UNC5C: variants seen among roughly 807,000 people sequenced by gnomAD.
UNC5C encodes unc-5 netrin receptor C.
UNC5C carries 47 observed loss-of-function variants against 99.8 expected under a neutral mutation model. That is an observed-to-expected ratio of 0.47 (90% CI 0.37 to 0.60). The LOEUF (loss-of-function observed/expected upper bound fraction) is 0.60, where lower values mean the gene tolerates loss of function less well. UNC5C is among the 20% of genes least tolerant of loss of function. The pLI, the probability that UNC5C is intolerant of heterozygous loss-of-function variation, is 0.00. For missense variants in UNC5C, 1,062 were observed against 1,165.9 expected (o/e 0.91, Z 1.30); for synonymous variants, 487 against 452.2 (o/e 1.08, Z -0.98).
At chr4:95,280,146 G>T (rs1443368736) in intron 3 of UNC5C, among the ~76,000 whole-genome samples, 1 of 152,028 alleles carries the variant, frequency 6.6e-6, no homozygotes, top group African/African-American at 2.4e-5. Context: ...TGCTCGCAAG[G>T]TATATCCCTA....
At chr4:95,228,525 A>T (rs1738778851) in intron 7 of UNC5C, among the ~76,000 whole-genome samples, 1 of 152,188 alleles carries the variant, frequency 6.6e-6, no homozygotes, top group South Asian at 2.1e-4. Context: ...GGAACTCCCT[A>T]ATTTAACCCT....
chr4:95,357,816 C>T (rs75574323), intron 1 of UNC5C, among the ~76,000 whole-genome samples: 5,035 of 151,970 alleles, frequency 0.033, 120 homozygotes, highest in South Asian at 0.053. Flanking sequence ...ACAAAAATGA[C>T]AACCACAAAA....
At chr4:95,269,273 C>T (rs935266411) in intron 4 of UNC5C, among the ~76,000 whole-genome samples, 2 of 152,036 alleles carry the variant, frequency 1.3e-5, no homozygotes, top group African/African-American at 4.8e-5. Context: ...AGAACCAGTA[C>T]TGCAGAGTGG....
chr4:95,293,844 T>C (rs970151316), intron 3 of UNC5C, among the ~76,000 whole-genome samples: 1 of 152,124 alleles, frequency 6.6e-6, no homozygotes, highest in Non-Finnish European at 1.5e-5. Flanking sequence ...ATAATAACAC[T>C]CATCACATAG....
At chr4:95,381,573 A>G (rs114472349) in intron 1 of UNC5C, among the ~76,000 whole-genome samples, 338 of 152,316 alleles carry the variant, frequency 2.2e-3, no homozygotes, top group South Asian at 4.1e-3. Flanking sequence ...GTGGTATTAA[A>G]TTTAACAAAA....
intron 2 of UNC5C, among the ~76,000 whole-genome samples, chr4:95,317,616 T>C (rs916554512): frequency 3.9e-5 from 6 of 152,110 alleles, no homozygotes; most frequent in African/African-American, 1.4e-4. Flanking sequence ...AAGGATGCTG[T>C]GAGCAGGAGG....
Position 95,335,727 on chromosome 4 carries a change from T to A in UNC5C, c.125-96A>T, listed in dbSNP as rs914208197. ...TAAAAATAGTGACTTATAAATGCAG[T>A]AATTAAGTGATTTGAATGCCTGCTG... On this transcript the variant is annotated intron_variant, in intron 1 of 15. Transcript: ENST00000453304. The A allele has an allele frequency of 9.8e-5, 96 of 975,646 alleles. 1 individual carries two copies. In the African/African-American group the frequency reaches 1.5e-3, roughly 15 times the overall value. 60.4% of individuals were successfully genotyped at this position (975,646 alleles called of 1,614,324 possible). A position where few individuals can be genotyped will look rare whatever the true frequency, so the allele number is the denominator to read the frequency against.
intron 1 of UNC5C, among the ~76,000 whole-genome samples, chr4:95,473,705 C>T (rs1258364826): frequency 6.6e-6 from 1 of 152,058 alleles, no homozygotes; most frequent in Non-Finnish European, 1.5e-5. Context: ...AGTCAGTGAC[C>T]TATGTGGAAT....
intron 2 of UNC5C, among the ~76,000 whole-genome samples, chr4:95,324,500 T>C (rs1005408968): frequency 7.2e-5 from 11 of 151,960 alleles, no homozygotes; most frequent in Middle Eastern, 3.2e-3. Flanking sequence ...CCCTAAATCA[T>C]CCCCCTCCCA....
At chr4:95,321,542 A>G (rs758010677) in intron 2 of UNC5C, among the ~76,000 whole-genome samples, 56 of 152,312 alleles carry the variant, frequency 3.7e-4, no homozygotes, top group Admixed American at 7.2e-4. Context: ...TATGTTGGCC[A>G]TGTTAGCCCA....
intron 1 of UNC5C, among the ~76,000 whole-genome samples, chr4:95,374,670 G>A (rs562459397): frequency 6.6e-5 from 10 of 152,230 alleles, no homozygotes; most frequent in African/African-American, 2.4e-4. Context: ...GGTAGGTGAG[G>A]AGGAGCATAG....
intron 7 of UNC5C, 86 bp from the exon 8 acceptor site, chr4:95,220,262 T>G: frequency 8.3e-7 from 1 of 1,206,390 alleles, no homozygotes; most frequent in Non-Finnish European, 1.1e-6. Flanking sequence ...TTTTCAGACA[T>G]TTACTGCCTT....
intron 2 of UNC5C, among the ~76,000 whole-genome samples, chr4:95,308,555 C>T (rs1241643765): frequency 6.6e-6 from 1 of 151,622 alleles, no homozygotes; most frequent in African/African-American, 2.4e-5. Context: ...GAGTTTGAAA[C>T]CAGCCTGGCC....
intron 1 of UNC5C, among the ~76,000 whole-genome samples, chr4:95,536,004 TAATC>T (rs1348748372): frequency 6.6e-6 from 1 of 150,948 alleles, no homozygotes; most frequent in African/African-American, 2.4e-5. Context: ...AAATAATAAA[TAATC>T]AAGTAAGGAT....
intron 2 of UNC5C, among the ~76,000 whole-genome samples, chr4:95,335,151 G>A (rs555270594): frequency 9.2e-5 from 14 of 151,938 alleles, no homozygotes; most frequent in East Asian, 1.9e-4. Context: ...CTATTCATTC[G>A]CATTATTTAT....
chr4:95,397,729 C>T (rs1300626351), intron 1 of UNC5C, among the ~76,000 whole-genome samples: 2 of 152,140 alleles, frequency 1.3e-5, no homozygotes, highest in Non-Finnish European at 2.9e-5. Context: ...GGACAAATGT[C>T]CGTATACTGA....
intron 8 of UNC5C, 118 bp from the exon 9 acceptor site, chr4:95,219,431 G>T: frequency 1.1e-6 from 1 of 938,054 alleles, no homozygotes; most frequent in Non-Finnish European, 1.6e-6. Context: ...TAATATCGGA[G>T]ATAGATAGAC....
At chr4:95,375,547 C>A (rs1184130910) in intron 1 of UNC5C, among the ~76,000 whole-genome samples, 2 of 152,098 alleles carry the variant, frequency 1.3e-5, no homozygotes, top group Admixed American at 6.6e-5. Flanking sequence ...AAGCATCATA[C>A]AATTAATTTG....
At chr4:95,219,671 T>G (rs957751786) in intron 8 of UNC5C, among the ~76,000 whole-genome samples, 9 of 152,004 alleles carry the variant, frequency 5.9e-5, no homozygotes, top group South Asian at 2.1e-4. Flanking sequence ...ATTCTATTCA[T>G]AGCAATACAA....
Sources: gnomAD v4.1 joint callset for allele counts (sites outside exome capture counted in the v4.1 genomes callset) on GRCh38, gnomAD v4.1.1 for gene constraint, MANE v1.5 for transcripts, NCBI Gene and HGNC (gene_info 2026-07-23, HGNC 2026-07-21) for gene names.